Variants in KALRN observed in about 807,000 individuals in gnomAD.
KALRN encodes the protein kalirin RhoGEF kinase.
KALRN carries 70 observed loss-of-function variants against 353.7 expected under a neutral mutation model. The ratio of observed to expected loss-of-function variants is 0.20; its 90% CI spans 0.16 to 0.24. KALRN has a LOEUF of 0.24. Ranked by LOEUF, KALRN falls within the 10% of genes least tolerant of loss-of-function variation. The pLI, the probability that KALRN is intolerant of heterozygous loss-of-function variation, is 1.00. For missense variants in KALRN, 2,791 were observed against 3,756.7 expected (o/e 0.74, Z 6.72); for synonymous variants, 1,391 against 1,434.8 (o/e 0.97, Z 0.69).
At chr3:124,612,845 C>T (rs2078157856) in intron 34 of KALRN, among the ~76,000 whole-genome samples, 1 of 152,056 alleles carries the variant, frequency 6.6e-6, no homozygotes, top group Non-Finnish European at 1.5e-5. Context: ...GTTGAATGAA[C>T]GAATAATAAA....
intron 51 of KALRN, among the ~76,000 whole-genome samples, chr3:124,688,456 T>C (rs921888839): frequency 1.3e-5 from 2 of 152,224 alleles, no homozygotes; most frequent in African/African-American, 4.8e-5. Context: ...GTTTTTCTTA[T>C]ATCTTTATTT....
At position 124,126,213 on chromosome 3, in the gene KALRN, AT is replaced by A. The variant is rs1403554704; in HGVS notation, c.73+92402del. Among the ~76,000 whole-genome samples the A allele has an allele frequency of 2.0e-5, 3 of 152,134 alleles. No individual in the cohort carries two copies. The South Asian group carries it at 6.2e-4, about 32-fold the overall frequency. On this transcript the variant is annotated intron_variant, in intron 1 of 59. Transcript: ENST00000682506. ...GTTTTTTTTTCTCTATTAAAAAAAA[AT>A]TAATCATGAGTGAAATTTTCCAAAC...
chr3:124,301,782 G>T (rs959214720), intron 6 of KALRN, among the ~76,000 whole-genome samples: 1 of 152,206 alleles, frequency 6.6e-6, no homozygotes, highest in Admixed American at 6.5e-5. Flanking sequence ...GGGGAAGTGG[G>T]AATGTGGATT....
chr3:124,078,480 G>A (rs1421474419), intron 1 of KALRN, among the ~76,000 whole-genome samples: 1 of 152,154 alleles, frequency 6.6e-6, no homozygotes, highest in Non-Finnish European at 1.5e-5. Context: ...TCGTGTAATG[G>A]GGAAACAGGC....
chr3:124,493,007 G>A, intron 32 of KALRN, 125 bp downstream of exon 32: 1 of 1,030,428 alleles, frequency 9.7e-7, no homozygotes. Context: ...AGGCCTGTGA[G>A]TTCTACCTAG....
chr3:124,043,545 T>G (rs2040153513), intron 1 of KALRN, among the ~76,000 whole-genome samples: 2 of 152,008 alleles, frequency 1.3e-5, no homozygotes, highest in Non-Finnish European at 2.9e-5. Context: ...CTCAGTGAAG[T>G]AGCTGGCTGG....
At position 124,593,642 on chromosome 3, in the gene KALRN, G is replaced by C. The variant is rs536040513; in HGVS notation, c.5182+30553G>C. On this transcript the variant is annotated intron_variant, in intron 34 of 59. Transcript: ENST00000682506. Reference sequence around the variant, plus strand: ...CCAGCAAAACATTCCATAATGGAAGGCTCCCTGTGTCCCTGGGGAATTCTT... The same window carrying C: ...CCAGCAAAACATTCCATAATGGAAGCCTCCCTGTGTCCCTGGGGAATTCTT... Among the ~76,000 whole-genome samples the C allele has an allele frequency of 2.6e-5, 4 of 152,226 alleles. No homozygotes were observed. The East Asian group carries it at 5.8e-4, about 22-fold the overall frequency.
intron 3 of KALRN, among the ~76,000 whole-genome samples, chr3:124,264,184 C>G (rs771790040): frequency 2.1e-4 from 32 of 152,178 alleles, no homozygotes; most frequent in Middle Eastern, 3.4e-3. Flanking sequence ...TGTTGACCCT[C>G]TTAAAGTTTC....
intron 22 of KALRN, 97 bp from the exon 23 acceptor site, chr3:124,456,513 T>C (rs2059316190): frequency 1.4e-6 from 1 of 738,094 alleles, no homozygotes; most frequent in Non-Finnish European, 2.4e-6. Context: ...CCTTCTCCAT[T>C]ATATCTTTTT....
intron 1 of KALRN, among the ~76,000 whole-genome samples, chr3:124,165,465 T>C (rs1326118226): frequency 6.6e-6 from 1 of 151,978 alleles, no homozygotes; most frequent in Non-Finnish European, 1.5e-5. Flanking sequence ...CCAAGGCTGA[T>C]GTATGCATGG....
intron 6 of KALRN, among the ~76,000 whole-genome samples, chr3:124,304,482 A>G (rs1251676688): frequency 2.0e-5 from 3 of 152,228 alleles, no homozygotes; most frequent in Non-Finnish European, 4.4e-5. Context: ...TATGTATTAA[A>G]TTATCACTTT....
At chr3:124,412,828 A>G (rs560413006) in intron 13 of KALRN, among the ~76,000 whole-genome samples, 2 of 152,324 alleles carry the variant, frequency 1.3e-5, no homozygotes, top group African/African-American at 4.8e-5. Context: ...TTTGTAATAG[A>G]AGGACAGAAT....
chr3:124,312,785 G>A (rs2078405970), intron 6 of KALRN, among the ~76,000 whole-genome samples: 1 of 152,224 alleles, frequency 6.6e-6, no homozygotes. Flanking sequence ...TTGAAATTTA[G>A]TCATTCCCAA....
At chr3:124,190,959 G>T (rs1360709195) in intron 1 of KALRN, among the ~76,000 whole-genome samples, 4 of 152,154 alleles carry the variant, frequency 2.6e-5, no homozygotes, top group Non-Finnish European at 5.9e-5. Flanking sequence ...TGTGCTTCTG[G>T]CCAACCAGCT....
intron 3 of KALRN, among the ~76,000 whole-genome samples, chr3:124,249,123 T>C (rs1333750596): frequency 6.6e-6 from 1 of 152,260 alleles, no homozygotes; most frequent in African/African-American, 2.4e-5. Flanking sequence ...GATTTAATTC[T>C]GTGGATACAC....
In KALRN at chr3:124,321,710, C is replaced by T. The variant is rs143337666; in HGVS notation, c.1093-4270C>T. Among the ~76,000 whole-genome samples the T allele has an allele frequency of 3.0e-3, 451 of 152,220 alleles. 2 individuals carry two copies. The highest frequency in any genetic ancestry group is 0.01 in the African/African-American group (425 of 41,536). ...AGTGAGGGCAGGGTGTCAATATACACGGTTTTTGAGTTATCGAGATTTTGT... is the reference window on the plus strand; with the variant it reads ...AGTGAGGGCAGGGTGTCAATATACATGGTTTTTGAGTTATCGAGATTTTGT... On this transcript the variant is annotated intron_variant, in intron 6 of 59. Coordinates refer to ENST00000682506, the MANE Select transcript of KALRN (RefSeq NM_001388419.1).
intron 1 of KALRN, chr3:124,151,980 T>C (rs1206738711): frequency 6.2e-6 from 9 of 1,449,244 alleles, no homozygotes; most frequent in Non-Finnish European, 7.6e-6. Context: ...CTAATAAGCC[T>C]GTTGATCTGG....
intron 6 of KALRN, among the ~76,000 whole-genome samples, chr3:124,309,748 A>C (rs1277384206): frequency 6.6e-6 from 1 of 152,194 alleles, no homozygotes; most frequent in Non-Finnish European, 1.5e-5. Context: ...ATTCATAATA[A>C]AAATACTCAA....
rs753677729 is a variant in KALRN, at chr3:124,492,757, C to A, written c.4707C>A (p.Thr1569=). The part of the protein sequence containing the change: ...KTVLKASNIE[T]KQEWIKNIRE... ...CACTCTAGGCCTCCAACATTGAAACCAAGCAGGAGTGGATCAAGAACATTC... is the reference window on the plus strand; with the variant it reads ...CACTCTAGGCCTCCAACATTGAAACAAAGCAGGAGTGGATCAAGAACATTC... Residue 1569 remains threonine, a synonymous_variant, in exon 32 of 60, where the codon ACC becomes ACA. Transcript: ENST00000682506. The A allele has an allele frequency of 6.8e-6, 11 of 1,613,716 alleles. No individual in the cohort carries two copies. The highest frequency in any genetic ancestry group is 9.3e-6 in the Non-Finnish European group (11 of 1,179,882).
Sources: allele counts gnomAD v4.1 joint callset (sites outside exome capture counted in the v4.1 genomes callset), GRCh38; gene constraint gnomAD v4.1.1; transcripts MANE v1.5; gene names NCBI Gene and HGNC (gene_info 2026-07-23, HGNC 2026-07-21).